The following BMPR1A variants were observed in gnomAD, a reference collection of about 807,000 sequenced individuals.
The protein encoded by BMPR1A is bone morphogenetic protein receptor type-1A.
BMPR1A carries 7 observed loss-of-function variants against 66.0 expected under a neutral mutation model. The ratio of observed to expected loss-of-function variants is 0.11; its 90% CI spans 0.06 to 0.20. The LOEUF is 0.20. BMPR1A is among the 10% of genes least tolerant of loss of function. BMPR1A has a pLI of 1.00. For synonymous variants in BMPR1A, 200 were observed against 229.7 expected (o/e 0.87, Z 1.17); for missense variants, 408 against 669.1 (o/e 0.61, Z 4.31).
intron 5 of BMPR1A, among the ~76,000 whole-genome samples, chr10:86,895,060 C>T (rs1241934281): frequency 2.0e-5 from 3 of 152,116 alleles, no homozygotes; most frequent in Non-Finnish European, 2.9e-5. Context: ...AGGTTCCAAA[C>T]GGTGTTGTAA....
intron 3 of BMPR1A, among the ~76,000 whole-genome samples, chr10:86,880,325 T>C (rs978730985): frequency 5.9e-5 from 9 of 152,224 alleles, no homozygotes; most frequent in African/African-American, 2.2e-4. Context: ...TTTAGTGACC[T>C]CCGCTCTGAG....
downstream of BMPR1A, chr10:86,932,268 A>G (rs1367387810): frequency 1.3e-5 from 2 of 152,214 alleles, no homozygotes; most frequent in Non-Finnish European, 2.9e-5. Flanking sequence ...TACTTAACCA[A>G]TTATGTACAA....
intron 2 of BMPR1A, among the ~76,000 whole-genome samples, chr10:86,871,052 T>C (rs1842848333): frequency 6.6e-6 from 1 of 152,144 alleles, no homozygotes; most frequent in Non-Finnish European, 1.5e-5. Flanking sequence ...TTTCAGACAT[T>C]GTTCTCTCTT....
At chr10:86,810,240 C>A (rs936029029) in intron 1 of BMPR1A, among the ~76,000 whole-genome samples, 2 of 152,158 alleles carry the variant, frequency 1.3e-5, no homozygotes, top group African/African-American at 4.8e-5. Context: ...CTCAGTCTCC[C>A]AAAGTGCTGG....
chr10:86,784,602 G>A (rs1841491422), intron 1 of BMPR1A, among the ~76,000 whole-genome samples: 1 of 152,152 alleles, frequency 6.6e-6, no homozygotes, highest in Non-Finnish European at 1.5e-5. Flanking sequence ...TAAACGTTTG[G>A]TAGAATTCCC....
intron 1 of BMPR1A, among the ~76,000 whole-genome samples, chr10:86,802,681 T>A (rs1841828924): frequency 6.6e-6 from 1 of 151,854 alleles, no homozygotes; most frequent in Non-Finnish European, 1.5e-5. Flanking sequence ...TAACCTCGAA[T>A]GTTAGCTTTA....
chr10:86,917,048 C>G, intron 8 of BMPR1A, 86 bp from the exon 9 acceptor site: 1 of 1,449,510 alleles, frequency 6.9e-7, no homozygotes, highest in Non-Finnish European at 9.6e-7. Flanking sequence ...GTACACCATG[C>G]TTTTTGATGA....
At chr10:86,786,857 A>G (rs970554504) in intron 1 of BMPR1A, among the ~76,000 whole-genome samples, 1 of 152,234 alleles carries the variant, frequency 6.6e-6, no homozygotes, top group South Asian at 2.1e-4. Context: ...TTTTTGTCCA[A>G]GAAAATTCAA....
upstream of BMPR1A, chr10:86,756,025 C>A (rs896969250): frequency 6.6e-6 from 1 of 152,484 alleles, no homozygotes; most frequent in Non-Finnish European, 1.5e-5. Flanking sequence ...ACTACCACGA[C>A]CTGGCCATCC....
At chr10:86,837,417 T>C (rs1842369300) in intron 1 of BMPR1A, among the ~76,000 whole-genome samples, 1 of 152,188 alleles carries the variant, frequency 6.6e-6, no homozygotes, top group Non-Finnish European at 1.5e-5. Flanking sequence ...GTTTTTACTT[T>C]TATGGGGATA....
chr10:86,782,336 T>A (rs1274775866), intron 1 of BMPR1A, among the ~76,000 whole-genome samples: 1 of 152,198 alleles, frequency 6.6e-6, no homozygotes, highest in Non-Finnish European at 1.5e-5. Flanking sequence ...TCAATTTTTT[T>A]AGATATATAC....
intron 1 of BMPR1A, among the ~76,000 whole-genome samples, chr10:86,784,465 G>T (rs1564683114): frequency 6.6e-6 from 1 of 152,176 alleles, no homozygotes; most frequent in East Asian, 1.9e-4. Flanking sequence ...CAGTCATCGT[G>T]TATGATTTTA....
At chr10:86,791,492 G>T (rs1054119189) in intron 1 of BMPR1A, among the ~76,000 whole-genome samples, 4 of 151,794 alleles carry the variant, frequency 2.6e-5, no homozygotes, top group Admixed American at 2.0e-4. Context: ...GATTACAGGC[G>T]TGAGCCACCG....
intron 1 of BMPR1A, among the ~76,000 whole-genome samples, chr10:86,783,906 C>T (rs901442667): frequency 6.6e-6 from 1 of 152,054 alleles, no homozygotes; most frequent in African/African-American, 2.4e-5. Context: ...TTCTTAATTT[C>T]CTTTTTGTGT....
At chr10:86,874,753 T>A (rs1307027466) in intron 2 of BMPR1A, among the ~76,000 whole-genome samples, 6 of 135,416 alleles carry the variant, frequency 4.4e-5, no homozygotes, top group African/African-American at 1.7e-4. Context: ...AGTCTCGCTC[T>A]GTCGTGTAGG....
chr10:86,930,993 C>T (rs971257049), downstream of BMPR1A: 1 of 151,896 alleles, frequency 6.6e-6, no homozygotes, highest in Non-Finnish European at 1.5e-5. Context: ...GCTAATGCCT[C>T]TAATCCCAGC....
intron 1 of BMPR1A, among the ~76,000 whole-genome samples, chr10:86,829,282 A>T (rs1842236977): frequency 6.6e-6 from 1 of 152,194 alleles, no homozygotes; most frequent in South Asian, 2.1e-4. Flanking sequence ...AAGAAATAAT[A>T]TATCTCGTAT....
intron 1 of BMPR1A, among the ~76,000 whole-genome samples, chr10:86,822,118 A>G (rs1842128712): frequency 6.6e-6 from 1 of 152,142 alleles, no homozygotes; most frequent in African/African-American, 2.4e-5. Flanking sequence ...CCGAGCCAGC[A>G]TGCCTGGCCT....
intron 1 of BMPR1A, among the ~76,000 whole-genome samples, chr10:86,808,916 A>G (rs933450968): frequency 3.3e-5 from 5 of 152,192 alleles, no homozygotes; most frequent in African/African-American, 9.6e-5. Flanking sequence ...ATCACAGGTT[A>G]CTTATAGGGA....
Sources: allele counts gnomAD v4.1 joint callset (sites outside exome capture counted in the v4.1 genomes callset), GRCh38; gene constraint gnomAD v4.1.1; transcripts MANE v1.5; gene names NCBI Gene and HGNC (gene_info 2026-07-23, HGNC 2026-07-21).